CAAP1: variants seen among roughly 807,000 people sequenced by gnomAD.
CAAP1 encodes the protein caspase activity and apoptosis inhibitor 1.
A neutral mutation model predicts 34.0 loss-of-function variants in CAAP1; 20 were observed. The ratio of observed to expected loss-of-function variants is 0.59; its 90% CI spans 0.41 to 0.86. The LOEUF is 0.86. Among genes scored for constraint, CAAP1 ranks in the 40% least tolerant of loss-of-function variants. The pLI, the probability that CAAP1 is intolerant of heterozygous loss-of-function variation, is 0.00. For missense variants in CAAP1, 538 were observed against 450.5 expected (o/e 1.19, Z -1.76); for synonymous variants, 213 against 166.7 (o/e 1.28, Z -2.14).
intron 1 of CAAP1, among the ~76,000 whole-genome samples, chr9:26,891,040 C>T (rs371279545): frequency 1.3e-5 from 2 of 152,170 alleles, no homozygotes; most frequent in South Asian, 2.1e-4. Flanking sequence ...GCACTTGTCC[C>T]AAGACTCCAA....
At chr9:26,861,546 C>T (rs1287932819) in intron 4 of CAAP1, among the ~76,000 whole-genome samples, 4 of 152,060 alleles carry the variant, frequency 2.6e-5, no homozygotes, top group Non-Finnish European at 1.5e-5. Flanking sequence ...TTTCATACCT[C>T]AAATGCTTTA....
chr9:26,886,326 A>G (rs1277221677), intron 2 of CAAP1, 138 bp from the exon 3 acceptor site: 4 of 409,532 alleles, frequency 9.8e-6, no homozygotes, highest in Admixed American at 4.5e-5. Flanking sequence ...ATTCACATAC[A>G]TCTTTTCCTG....
chr9:26,854,780 A>G (rs1467233715), intron 5 of CAAP1, among the ~76,000 whole-genome samples: 2 of 152,226 alleles, frequency 1.3e-5, no homozygotes, highest in Admixed American at 6.5e-5. Flanking sequence ...GAAATGGCAA[A>G]TAAGTGTATG....
intron 4 of CAAP1, among the ~76,000 whole-genome samples, chr9:26,864,221 C>A (rs1823074187): frequency 6.6e-6 from 1 of 152,154 alleles, no homozygotes; most frequent in African/African-American, 2.4e-5. Flanking sequence ...ATTTTACCTC[C>A]ACAAGCTATC....
intron 3 of CAAP1, 52 bp from the exon 4 acceptor site, chr9:26,884,937 A>G: frequency 7.8e-7 from 1 of 1,279,060 alleles, no homozygotes; most frequent in Non-Finnish European, 1.1e-6. Flanking sequence ...CATTAAAATG[A>G]TGCAATCATG....
chr9:26,890,716 C>T (rs368115496), intron 1 of CAAP1, among the ~76,000 whole-genome samples: 182 of 152,148 alleles, frequency 1.2e-3, no homozygotes, highest in African/African-American at 4.1e-3. Flanking sequence ...GAGGCCGAGA[C>T]GGGTGGATCA....
chr9:26,848,109 GAATT>G (rs2131296615), intron 5 of CAAP1, among the ~76,000 whole-genome samples: 1 of 152,260 alleles, frequency 6.6e-6, no homozygotes, highest in African/African-American at 2.4e-5. Flanking sequence ...CTGATAAGCT[GAATT>G]ATTATCAACT....
intron 4 of CAAP1, among the ~76,000 whole-genome samples, chr9:26,878,146 C>G (rs1031041238): frequency 6.6e-6 from 1 of 152,096 alleles, no homozygotes; most frequent in African/African-American, 2.4e-5. Context: ...TTTAAAAAAT[C>G]ATATTTTCCA....
At chr9:26,846,836 C>T (rs1034958134) in intron 5 of CAAP1, among the ~76,000 whole-genome samples, 29 of 151,782 alleles carry the variant, frequency 1.9e-4, no homozygotes, top group Non-Finnish European at 3.4e-4. Context: ...TACAGGCATG[C>T]GCCACCATGC....
chr9:26,858,182 T>C (rs1822917306), intron 5 of CAAP1, among the ~76,000 whole-genome samples: 1 of 152,228 alleles, frequency 6.6e-6, no homozygotes, highest in African/African-American at 2.4e-5. Flanking sequence ...CTGCTTTTAT[T>C]GAGCTCACTG....
intron 1 of CAAP1, chr9:26,892,193 A>T: frequency 7.7e-7 from 1 of 1,291,436 alleles, no homozygotes; most frequent in Non-Finnish European, 1.0e-6. Context: ...TTAAAAAAAA[A>T]GTGATCAGGA....
chr9:26,892,310 C>A, intron 1 of CAAP1, 103 bp downstream of exon 1: 1 of 1,543,654 alleles, frequency 6.5e-7, no homozygotes, highest in Non-Finnish European at 8.7e-7. Context: ...TTGAGATTGC[C>A]GCGCTAGCAG....
intron 5 of CAAP1, among the ~76,000 whole-genome samples, chr9:26,844,988 T>TA (rs1655814672): frequency 6.6e-6 from 1 of 152,250 alleles, no homozygotes; most frequent in African/African-American, 2.4e-5. Context: ...TTTCACTATC[T>TA]ACTTTCTTGC....
At position 26,857,905 on chromosome 9, in the gene CAAP1, A is replaced by G. The variant is rs551139921; in HGVS notation, c.739+3161T>C. On this transcript the variant is annotated intron_variant, in intron 5 of 5. Transcript: ENST00000333916. ...AAAAATGCCAATTTCAACTTAATTCATAATTAATACTTGTGTATTATTCAA... is the reference window on the plus strand; with the variant it reads ...AAAAATGCCAATTTCAACTTAATTCGTAATTAATACTTGTGTATTATTCAA... Among the ~76,000 whole-genome samples, 5 of 152,348 alleles carry G rather than the reference A, an allele frequency of 3.3e-5. No individual in the cohort carries two copies. In the South Asian group the frequency reaches 6.2e-4, roughly 19 times the overall value.
At chr9:26,887,270 T>A (rs957524429) in intron 2 of CAAP1, 43 bp downstream of exon 2, 2 of 1,253,346 alleles carry the variant, frequency 1.6e-6, no homozygotes, top group Non-Finnish European at 2.2e-6. Flanking sequence ...CAAAGAAGGC[T>A]GTATTTCTAC....
At chr9:26,866,938 C>A (rs1430462587) in intron 4 of CAAP1, among the ~76,000 whole-genome samples, 1 of 152,170 alleles carries the variant, frequency 6.6e-6, no homozygotes, top group Admixed American at 6.5e-5. Flanking sequence ...CGGTACCAAT[C>A]TGTGGCCTGT....
At position 26,840,826 on chromosome 9, in the gene CAAP1, A is replaced by G. The variant is rs1745367505; in HGVS notation, c.*1475T>C. 1.3e-5 allele frequency: 2 copies of G among 152,244 alleles called. No homozygotes were observed. Among genetic ancestry groups the G allele is most frequent in the Admixed American group, 6.5e-5 (1 of 15,286 alleles). 9.4% of individuals were successfully genotyped at this position (152,244 alleles called of 1,614,324 possible). ...TTATTCTGTACTACTTTAGCATATT[A>G]ACTATTACTTTTAAGTTGAAATAGA... On this transcript the variant is annotated 3_prime_UTR_variant, in exon 6 of 6. Transcript: ENST00000333916.
At chr9:26,880,187 C>A in intron 4 of CAAP1, 1 of 308,612 alleles carries the variant, frequency 3.2e-6, no homozygotes, top group Non-Finnish European at 6.3e-6. Context: ...TGTCTTTTGG[C>A]ATAATTGTTA....
chr9:26,848,807 T>C (rs2131297400), intron 5 of CAAP1, among the ~76,000 whole-genome samples: 1 of 152,372 alleles, frequency 6.6e-6, no homozygotes, highest in African/African-American at 2.4e-5. Context: ...ATAAAATGTT[T>C]AGAGTGTTGG....
Sources: gnomAD v4.1 joint callset for allele counts (sites outside exome capture counted in the v4.1 genomes callset) on GRCh38, gnomAD v4.1.1 for gene constraint, MANE v1.5 for transcripts, NCBI Gene and HGNC (gene_info 2026-07-23, HGNC 2026-07-21) for gene names.